DOCK4: variants seen among roughly 807,000 people sequenced by gnomAD.
DOCK4 encodes dedicator of cytokinesis protein 4.
DOCK4 carries 97 observed loss-of-function variants against 268.1 expected under a neutral mutation model. The observed-to-expected ratio is 0.36, with a 90% CI of 0.31 to 0.43. The LOEUF is 0.43. Among genes scored for constraint, DOCK4 ranks in the 20% least tolerant of loss-of-function variants. The pLI is 1.00. For missense variants in DOCK4, 2,145 were observed against 2,455.7 expected, an observed-to-expected ratio of 0.87 and a Z score of 2.67; for synonymous variants, 954 against 887.2, an observed-to-expected ratio of 1.08 and a Z score of -1.34.
chr7:111,835,070 T>C (rs898127956), intron 25 of DOCK4, among the ~76,000 whole-genome samples: 6 of 152,160 alleles, frequency 3.9e-5, no homozygotes, highest in East Asian at 1.9e-4. Context: ...ATCAACACTA[T>C]GAGGTAGGGG....
chr7:111,901,208 C>T (rs748006269), intron 14 of DOCK4, among the ~76,000 whole-genome samples: 12 of 151,912 alleles, frequency 7.9e-5, no homozygotes, highest in Admixed American at 3.9e-4. Flanking sequence ...GTTACGCACG[C>T]CTGTAATCCC....
chr7:112,148,003 T>C (rs1815683342), intron 1 of DOCK4, among the ~76,000 whole-genome samples: 1 of 151,800 alleles, frequency 6.6e-6, no homozygotes, highest in Non-Finnish European at 1.5e-5. Context: ...CTCCCTCTCC[T>C]CCACACTCCC....
intron 1 of DOCK4, among the ~76,000 whole-genome samples, chr7:112,006,891 C>A (rs1800906887): frequency 6.6e-6 from 1 of 152,182 alleles, no homozygotes; most frequent in Non-Finnish European, 1.5e-5. Flanking sequence ...TCTAGGCTCA[C>A]ACCCAACCCA....
Position 111,758,675 on chromosome 7 carries a change from G to A in DOCK4, c.4278C>T (p.Arg1426=). The change falls in exon 41 of 53, where the codon CGC becomes CGT. Residue 1426 remains arginine, a synonymous_variant. Coordinates refer to ENST00000428084, the MANE Select transcript of DOCK4 (RefSeq NM_001363540.2). ...TGCCTTTGTGAAATGGTCGGTCATA[G>A]CGGAATTTCCAGATGTGATTCACTT... The part of the protein sequence containing the change: ...FYKVNHIWKF[R]YDRPFHKGTK... The A allele has an allele frequency of 6.2e-7, 1 of 1,613,960 alleles. No homozygotes were observed. Among genetic ancestry groups the A allele is most frequent in the Non-Finnish European group, 8.5e-7 (1 of 1,179,874 alleles).
At position 111,859,180 on chromosome 7, in the gene DOCK4, G is replaced by A. The variant is rs1805276250; in HGVS notation, c.2473+4192C>T. ...ACCACAGGTATGCACCACCACACCTGACTATTTTTTGTTTATTTTTTGTAG... is the reference window on the plus strand; with the variant it reads ...ACCACAGGTATGCACCACCACACCTAACTATTTTTTGTTTATTTTTTGTAG... On this transcript the variant is annotated intron_variant, in intron 23 of 52. Coordinates refer to ENST00000428084, the MANE Select transcript of DOCK4 (RefSeq NM_001363540.2). Among the ~76,000 whole-genome samples, 5 of 152,154 alleles carry A rather than the reference G, an allele frequency of 3.3e-5. No individual in the cohort carries two copies. In the South Asian group the frequency reaches 1.0e-3, roughly 32 times the overall value.
chr7:112,043,027 G>A (rs1009960386), intron 1 of DOCK4, among the ~76,000 whole-genome samples: 1 of 152,142 alleles, frequency 6.6e-6, no homozygotes, highest in African/African-American at 2.4e-5. Context: ...CTCACCTGAT[G>A]TGGCCACTCC....
chr7:111,980,011 G>A (rs985437803), intron 7 of DOCK4, among the ~76,000 whole-genome samples: 3 of 152,176 alleles, frequency 2.0e-5, no homozygotes, highest in African/African-American at 7.2e-5. Flanking sequence ...GATTCTAATG[G>A]GCAATGAGGG....
intron 1 of DOCK4, among the ~76,000 whole-genome samples, chr7:112,026,801 A>G (rs1213307738): frequency 1.3e-5 from 2 of 152,194 alleles, no homozygotes; most frequent in East Asian, 3.9e-4. Flanking sequence ...ATTTACAGAA[A>G]GAGTTTTCCA....
chr7:111,931,292 A>G (rs930735141), intron 12 of DOCK4, among the ~76,000 whole-genome samples: 3 of 152,216 alleles, frequency 2.0e-5, no homozygotes, highest in Admixed American at 2.0e-4. Flanking sequence ...GGTTTCTTTC[A>G]TTCTTTGCAA....
intron 26 of DOCK4, among the ~76,000 whole-genome samples, chr7:111,829,636 TCAA>T (rs1015656592): frequency 3.3e-5 from 5 of 152,202 alleles, no homozygotes; most frequent in African/African-American, 9.7e-5. Context: ...GTTTGTTGAG[TCAA>T]CAATTGATAT....
chr7:111,889,562 G>A (rs1482924264), intron 16 of DOCK4, among the ~76,000 whole-genome samples: 1 of 152,132 alleles, frequency 6.6e-6, no homozygotes, highest in Non-Finnish European at 1.5e-5. Flanking sequence ...CTGGATTTGA[G>A]AAGTCCATCT....
At chr7:112,184,357 A>G (rs949455196) in intron 1 of DOCK4, among the ~76,000 whole-genome samples, 4 of 152,112 alleles carry the variant, frequency 2.6e-5, no homozygotes, top group African/African-American at 9.7e-5. Context: ...CCTCTGTATG[A>G]TCTGCAGGCA....
chr7:112,096,448 G>T (rs1441369612), intron 1 of DOCK4, among the ~76,000 whole-genome samples: 2 of 152,136 alleles, frequency 1.3e-5, no homozygotes, highest in African/African-American at 2.4e-5. Context: ...CTCCCAAAGT[G>T]CTGGGATTAC....
Position 111,895,634 on chromosome 7 carries a change from G to A in DOCK4, c.1565C>T (p.Thr522Ile), listed in dbSNP as rs1808684747. 1 of 1,613,880 alleles carries A rather than the reference G, an allele frequency of 6.2e-7. No homozygotes were observed. The highest frequency in any genetic ancestry group is 1.7e-5 in the Admixed American group (1 of 60,018). The change falls in exon 16 of 53, where the codon ACT becomes ATT. Residue 522 changes from threonine (T) to isoleucine (I), a missense_variant. Physicochemically the swap from Thr to Ile is moderately conservative, Grantham distance 89. Around this residue, in one of 2 missense-constraint regions of DOCK4, gnomAD observed 1,598 missense variants for 1,986.7 expected, o/e 0.80. Transcript: ENST00000428084. Reference protein sequence around the residue: ...QEDGRTLPDGTHELIVHKCEE... With the variant: ...QEDGRTLPDGIHELIVHKCEE... The stretch of plus-strand genomic sequence containing the variant: ...TACCTTATGCACGATGAGCTCATGA[G>A]TGCCATCTGGAAGAGTCCTACCATC...
chr7:111,860,889 A>G (rs1009178468), intron 23 of DOCK4, among the ~76,000 whole-genome samples: 1 of 152,234 alleles, frequency 6.6e-6, no homozygotes, highest in African/African-American at 2.4e-5. Context: ...AGGACAGATT[A>G]CATTGCTCAG....
At chr7:111,774,722 T>C (rs1212607113) in intron 36 of DOCK4, among the ~76,000 whole-genome samples, 1 of 152,170 alleles carries the variant, frequency 6.6e-6, no homozygotes, top group Non-Finnish European at 1.5e-5. Flanking sequence ...ACAACAGACC[T>C]TGAATAAAGA....
intron 1 of DOCK4, among the ~76,000 whole-genome samples, chr7:112,122,761 T>A (rs1253407471): frequency 6.6e-6 from 1 of 152,238 alleles, no homozygotes; most frequent in Non-Finnish European, 1.5e-5. Flanking sequence ...AAAGACTAGT[T>A]TTTTTGTCTG....
chr7:111,948,909 G>GA (rs1040046468), intron 8 of DOCK4, among the ~76,000 whole-genome samples: 1,218 of 112,960 alleles, frequency 0.011, 14 homozygotes, highest in African/African-American at 0.032. Context: ...AACATGCTTA[G>GA]AAAAAAAAAA....
intron 8 of DOCK4, among the ~76,000 whole-genome samples, chr7:111,954,684 G>A (rs1796319474): frequency 2.0e-5 from 3 of 152,158 alleles, no homozygotes; most frequent in Admixed American, 2.0e-4. Flanking sequence ...ATGTCAGACT[G>A]GGACACTTCC....
Sources: allele counts gnomAD v4.1 joint callset (sites outside exome capture counted in the v4.1 genomes callset), GRCh38; gene constraint gnomAD v4.1.1; regional missense constraint gnomAD v4.1.1; transcripts MANE v1.5; gene names NCBI Gene and HGNC (gene_info 2026-07-23, HGNC 2026-07-21).